The following TRAF3 variants were observed in gnomAD, a reference collection of about 807,000 sequenced individuals.
The protein encoded by TRAF3 is TNF receptor-associated factor 3.
A neutral mutation model predicts 62.3 loss-of-function variants in TRAF3; 13 were observed. The ratio of observed to expected loss-of-function variants is 0.21; its 90% confidence interval spans 0.14 to 0.33. The LOEUF (loss-of-function observed/expected upper bound fraction) is 0.33. Among genes scored for constraint, TRAF3 ranks in the 10% least tolerant of loss-of-function variants. TRAF3 has a pLI of 1.00. For missense variants in TRAF3, 440 were observed against 741.8 expected (o/e 0.59, Z 4.73); for synonymous variants, 269 against 283.4 (o/e 0.95, Z 0.51).
rs569020579 is a variant in TRAF3 at position 102,910,906 on chromosome 14, T to G, written c.*5122T>G. 3.9e-5 allele frequency: 6 copies of G among 152,320 alleles called. No homozygotes were observed. In the East Asian group the frequency reaches 1.2e-3, roughly 29 times the overall value. The allele number at this position is 152,320 out of a possible 1,614,324, so 9.4% of individuals were successfully genotyped here. A position where few individuals can be genotyped will look rare whatever the true frequency, so the allele number is the denominator to read the frequency against. On this transcript the variant is annotated 3_prime_UTR_variant, in exon 12 of 12. Transcript: ENST00000392745. ...CCAACAGCAAATTCAATGACTTAATTGGAAAACACACAAGCTGGCATGATG... is the reference window on the plus strand; with the variant it reads ...CCAACAGCAAATTCAATGACTTAATGGGAAAACACACAAGCTGGCATGATG...
chr14:102,819,055 T>TA (rs201813175), intron 1 of TRAF3, among the ~76,000 whole-genome samples: 30,248 of 141,764 alleles, frequency 0.21, 3,303 homozygotes, highest in East Asian at 0.39. Context: ...ACTCTGTCTC[T>TA]AAAAAAAAAA....
intron 2 of TRAF3, among the ~76,000 whole-genome samples, chr14:102,850,513 ATGG>A (rs1886969609): frequency 6.6e-6 from 1 of 151,992 alleles, no homozygotes; most frequent in African/African-American, 2.4e-5. Context: ...CCTGGCCAAC[ATGG>A]TGAAACCCTG....
chr14:102,900,539 A>G (rs1053722454), intron 10 of TRAF3, among the ~76,000 whole-genome samples: 1 of 152,218 alleles, frequency 6.6e-6, no homozygotes, highest in Non-Finnish European at 1.5e-5. Context: ...AGCATGACCC[A>G]GGCTTCTGGT....
intron 2 of TRAF3, among the ~76,000 whole-genome samples, chr14:102,862,385 A>G (rs1595371414): frequency 1.4e-5 from 2 of 143,614 alleles, no homozygotes; most frequent in East Asian, 4.0e-4. Context: ...TGGGTGACAG[A>G]GTAAGATCCC....
chr14:102,828,924 C>A (rs1900488811), intron 1 of TRAF3, among the ~76,000 whole-genome samples: 1 of 152,186 alleles, frequency 6.6e-6, no homozygotes. Context: ...CTGGATGGAA[C>A]TTTTCGTCTT....
At chr14:102,788,145 A>G (rs1292449080) in intron 1 of TRAF3, among the ~76,000 whole-genome samples, 1 of 151,870 alleles carries the variant, frequency 6.6e-6, no homozygotes, top group Non-Finnish European at 1.5e-5. Flanking sequence ...GTGAGCCCCC[A>G]CACCCGGCCT....
intron 2 of TRAF3, among the ~76,000 whole-genome samples, chr14:102,850,688 TAAAAAAAAAAA>T (rs35096461): frequency 2.3e-5 from 2 of 87,518 alleles, no homozygotes; most frequent in Non-Finnish European, 4.3e-5. Flanking sequence ...AGACTCCGTC[TAAAAAAAAAAA>T]AAAAAAAAAA....
chr14:102,854,224 A>G (rs1031988998), intron 2 of TRAF3, among the ~76,000 whole-genome samples: 3 of 151,328 alleles, frequency 2.0e-5, no homozygotes, highest in African/African-American at 4.9e-5. Context: ...TTTTTTCGCT[A>G]TTGTGAATAG....
intron 1 of TRAF3, among the ~76,000 whole-genome samples, chr14:102,799,564 C>T (rs1639589267): frequency 6.6e-6 from 1 of 152,182 alleles, no homozygotes; most frequent in South Asian, 2.1e-4. Flanking sequence ...AGTTCTTCTG[C>T]CCCAGCCTCC....
At chr14:102,788,081 C>A (rs1205888867) in intron 1 of TRAF3, among the ~76,000 whole-genome samples, 1 of 151,744 alleles carries the variant, frequency 6.6e-6, no homozygotes, top group Admixed American at 6.6e-5. Context: ...TCTCGAACTC[C>A]TGTGCTCAAG....
At chr14:102,875,794 T>A (rs1186572153) in intron 5 of TRAF3, 66 bp downstream of exon 5, 19 of 1,382,570 alleles carry the variant, frequency 1.4e-5, no homozygotes, top group Non-Finnish European at 1.7e-5. Context: ...ATCCAGCTGA[T>A]GAAGTGGTCA....
chr14:102,875,242 AC>A (rs1284010072), intron 4 of TRAF3, among the ~76,000 whole-genome samples: 2 of 152,144 alleles, frequency 1.3e-5, no homozygotes, highest in Non-Finnish European at 2.9e-5. Flanking sequence ...CATAATGGCC[AC>A]CTGCTCCGTG....
At chr14:102,897,216 T>C (rs760168565) in intron 9 of TRAF3, 45 bp from the exon 10 acceptor site, 6 of 1,570,408 alleles carry the variant, frequency 3.8e-6, no homozygotes, top group Non-Finnish European at 5.2e-6. Context: ...TTAATTAATA[T>C]GAAAACCACT....
intron 1 of TRAF3, among the ~76,000 whole-genome samples, chr14:102,820,998 A>G (rs1595329560): frequency 3.3e-5 from 5 of 152,176 alleles, no homozygotes; most frequent in Admixed American, 3.3e-4. Flanking sequence ...TTTTTTTATT[A>G]GAAAATGAAG....
chr14:102,801,002 T>C (rs1470528039), intron 1 of TRAF3, among the ~76,000 whole-genome samples: 1 of 149,490 alleles, frequency 6.7e-6, no homozygotes, highest in Non-Finnish European at 1.5e-5. Context: ...CCGTCTCTAC[T>C]AAAAATACAA....
chr14:102,828,451 G>C (rs561308919), intron 1 of TRAF3, among the ~76,000 whole-genome samples: 1 of 152,328 alleles, frequency 6.6e-6, no homozygotes, highest in Non-Finnish European at 1.5e-5. Flanking sequence ...TGTGAATGCT[G>C]TGGCTGGCAC....
chr14:102,895,592 T>C (rs1464397609), intron 9 of TRAF3, among the ~76,000 whole-genome samples: 1 of 152,112 alleles, frequency 6.6e-6, no homozygotes, highest in African/African-American at 2.4e-5. Flanking sequence ...GGCACAGAGC[T>C]TAGGGTCTTC....
rs1244466033 is a variant in TRAF3 at position 102,907,881 on chromosome 14, G to A, written c.*2097G>A. On this transcript the variant is annotated 3_prime_UTR_variant, in exon 12 of 12. Transcript: ENST00000392745. ...ATGAGTATCCTTGGTTCTGCCCTGTGAGGGAGTCGTGTGTCCCTGCTCATA... is the reference window on the plus strand; with the variant it reads ...ATGAGTATCCTTGGTTCTGCCCTGTAAGGGAGTCGTGTGTCCCTGCTCATA... 6.6e-6 allele frequency: 1 copy of A among 152,332 alleles called. No individual in the cohort carries two copies. Among genetic ancestry groups the A allele is most frequent in the Non-Finnish European group, 1.5e-5 (1 of 68,100 alleles). The allele number at this position is 152,332 out of a possible 1,614,324, so 9.4% of individuals were successfully genotyped here.
chr14:102,822,900 G>GGAGGCT (rs1291205276), intron 1 of TRAF3, among the ~76,000 whole-genome samples: 1 of 152,092 alleles, frequency 6.6e-6, no homozygotes, highest in East Asian at 1.9e-4. Flanking sequence ...CAGCTACTGG[G>GGAGGCT]GAGGCTGAGG....
Sources: allele counts gnomAD v4.1 joint callset (sites outside exome capture counted in the v4.1 genomes callset), GRCh38; gene constraint gnomAD v4.1.1; transcripts MANE v1.5; gene names NCBI Gene and HGNC (gene_info 2026-07-23, HGNC 2026-07-21).